MBNL2: variants seen among roughly 807,000 people sequenced by gnomAD.
The protein encoded by MBNL2 is muscleblind like splicing regulator 2, also known as muscleblind-like protein 2.
A neutral mutation model predicts 41.9 loss-of-function variants in MBNL2; 17 were observed. That is an observed-to-expected ratio of 0.41 (90% CI 0.28 to 0.61). The LOEUF (loss-of-function observed/expected upper bound fraction) is 0.61. MBNL2 is among the 20% of genes least tolerant of loss of function. The pLI is 0.35. For synonymous variants in MBNL2, 195 were observed against 182.9 expected, an observed-to-expected ratio of 1.07 and a Z score of -0.53; for missense variants, 336 against 505.6, an observed-to-expected ratio of 0.66 and a Z score of 3.22.
chr13:97,289,812 T>C (rs2152969779), intron 2 of MBNL2, among the ~76,000 whole-genome samples: 1 of 152,262 alleles, frequency 6.6e-6, no homozygotes, highest in East Asian at 1.9e-4. Context: ...TAAGCAGACA[T>C]AGCCAGCAAG....
intron 3 of MBNL2, among the ~76,000 whole-genome samples, chr13:97,339,296 G>T (rs1168617809): frequency 5.9e-5 from 1 of 17,028 alleles, no homozygotes; most frequent in African/African-American, 2.4e-4. Flanking sequence ...GGGTGTGTTT[G>T]TCATCTTTGA....
the MBNL2 span, among the ~76,000 whole-genome samples, chr13:97,210,421 G>A: frequency 1.9e-4 from 29 of 152,198 alleles, no homozygotes; most frequent in East Asian, 5.6e-3. Flanking sequence ...GGCATAGCTT[G>A]TGGTTTTGAA....
At chr13:97,209,755 A>G in the MBNL2 span, among the ~76,000 whole-genome samples, 1 of 152,172 alleles carries the variant, frequency 6.6e-6, no homozygotes, top group East Asian at 1.9e-4. Context: ...TATTGTCAAT[A>G]TTAAAAAGTT....
the MBNL2 span, among the ~76,000 whole-genome samples, chr13:97,200,072 A>T: frequency 6.6e-6 from 1 of 152,218 alleles, no homozygotes; most frequent in Non-Finnish European, 1.5e-5. Context: ...AAGCCCCATA[A>T]ATTCAACTGG....
chr13:97,269,959 A>G (rs887074342), intron 1 of MBNL2, among the ~76,000 whole-genome samples: 5 of 152,202 alleles, frequency 3.3e-5, no homozygotes, highest in African/African-American at 1.2e-4. Flanking sequence ...ATCACAGAAT[A>G]CTTTTATATT....
chr13:97,223,938 T>C lies in MBNL2; in HGVS notation c.-605+1407T>C, dbSNP rs140441741. The stretch of plus-strand genomic sequence containing the variant: ...GCTTGTGGAGAGGAATATTTCTTTA[T>C]GTCCTGGCCAGGAACATTCTAACTC... On this transcript the variant is annotated intron_variant, in intron 1 of 8. Coordinates refer to ENST00000679496, the MANE Select transcript of MBNL2 (RefSeq NM_001382683.1). 4.6e-5 allele frequency among the ~76,000 whole-genome samples: 7 copies of C among 152,344 alleles called. No individual in the cohort carries two copies. The East Asian group carries it at 1.4e-3, about 29-fold the overall frequency.
At chr13:97,303,510 A>G (rs1377723750) in intron 2 of MBNL2, among the ~76,000 whole-genome samples, 1 of 152,216 alleles carries the variant, frequency 6.6e-6, no homozygotes, top group Non-Finnish European at 1.5e-5. Context: ...GGCCCACCCC[A>G]GCCAGCTAGC....
chr13:97,271,423 G>GATGT (rs1555308102), intron 1 of MBNL2, among the ~76,000 whole-genome samples: 1 of 149,372 alleles, frequency 6.7e-6, no homozygotes, highest in Non-Finnish European at 1.5e-5. Context: ...CACTTTTTAA[G>GATGT]ATTTATTTAT....
At chr13:97,343,980 A>G (rs891016436) in intron 4 of MBNL2, among the ~76,000 whole-genome samples, 1 of 151,998 alleles carries the variant, frequency 6.6e-6, no homozygotes, top group African/African-American at 2.4e-5. Context: ...CCAATTTTGT[A>G]TTTTTAGTAG....
chr13:97,203,000 G>T, the MBNL2 span, among the ~76,000 whole-genome samples: 1 of 152,052 alleles, frequency 6.6e-6, no homozygotes, highest in Middle Eastern at 3.2e-3. Context: ...CCTCCTTCAG[G>T]TCTCCTTCCA....
At chr13:97,260,039 TAAAC>T (rs1371348939) in intron 1 of MBNL2, among the ~76,000 whole-genome samples, 1 of 152,170 alleles carries the variant, frequency 6.6e-6, no homozygotes, top group Non-Finnish European at 1.5e-5. Context: ...AATGCACAGA[TAAAC>T]AAGTATGCAT....
Position 97,392,412 on chromosome 13 carries a change from A to T in MBNL2, c.*963A>T, listed in dbSNP as rs2066407083. Reference sequence around the variant, plus strand: ...CAAAAAGTAGATAGTTTCACTTTTTAAAAAATCCATTACTGTTTTGCATTT... The same window carrying T: ...CAAAAAGTAGATAGTTTCACTTTTTTAAAAATCCATTACTGTTTTGCATTT... On this transcript the variant is annotated 3_prime_UTR_variant, in exon 9 of 9. Coordinates refer to ENST00000679496, the MANE Select transcript of MBNL2 (RefSeq NM_001382683.1). 1.3e-5 allele frequency: 2 copies of T among 152,626 alleles called. No individual in the cohort carries two copies. The highest frequency in any genetic ancestry group is 1.5e-5 in the Non-Finnish European group (1 of 68,018). The allele number at this position is 152,626 out of a possible 1,614,324, so 9.5% of individuals were successfully genotyped here.
intron 2 of MBNL2, among the ~76,000 whole-genome samples, chr13:97,281,455 T>G (rs2053409663): frequency 6.6e-6 from 1 of 152,242 alleles, no homozygotes; most frequent in African/African-American, 2.4e-5. Context: ...AAGCAGCATA[T>G]GATGCAGAAA....
chr13:97,212,924 G>T, the MBNL2 span, among the ~76,000 whole-genome samples: 1 of 152,250 alleles, frequency 6.6e-6, no homozygotes, highest in East Asian at 1.9e-4. Context: ...TATGCCCATA[G>T]GTCACTAGAC....
chr13:97,301,441 A>G (rs2153001436), intron 2 of MBNL2, among the ~76,000 whole-genome samples: 1 of 152,242 alleles, frequency 6.6e-6, no homozygotes, highest in Middle Eastern at 3.4e-3. Context: ...TAATGACCTC[A>G]CCGTGTCTTG....
chr13:97,176,166 C>T, the MBNL2 span, among the ~76,000 whole-genome samples: 1 of 152,094 alleles, frequency 6.6e-6, no homozygotes, highest in African/African-American at 2.4e-5. Flanking sequence ...CAGGGACATG[C>T]TGGGTCTGAC....
upstream of MBNL2, among the ~76,000 whole-genome samples, chr13:97,219,219 C>A (rs753092940): frequency 2.0e-5 from 3 of 152,136 alleles, no homozygotes; most frequent in Non-Finnish European, 4.4e-5. Flanking sequence ...CTGGAGTTCA[C>A]AGGGCTATGA....
At chr13:97,310,522 C>T (rs564983727) in intron 2 of MBNL2, among the ~76,000 whole-genome samples, 25 of 151,862 alleles carry the variant, frequency 1.6e-4, no homozygotes, top group Non-Finnish European at 3.2e-4. Flanking sequence ...CTCCCCATCC[C>T]AGGTTCACGC....
At chr13:97,298,434 T>C (rs566406212) in intron 2 of MBNL2, among the ~76,000 whole-genome samples, 1 of 152,296 alleles carries the variant, frequency 6.6e-6, no homozygotes, top group South Asian at 2.1e-4. Context: ...GCACCTAGAA[T>C]GCAGGCTGGA....
Sources: gnomAD v4.1 joint callset for allele counts (sites outside exome capture counted in the v4.1 genomes callset) on GRCh38, gnomAD v4.1.1 for gene constraint, MANE v1.5 for transcripts, NCBI Gene and HGNC (gene_info 2026-07-23, HGNC 2026-07-21) for gene names.